TACR1: variants seen among roughly 807,000 people sequenced by gnomAD.
The protein encoded by TACR1 is substance-P receptor.
In TACR1, 25 loss-of-function variants were observed where a neutral mutation model predicts 35.8. The ratio of observed to expected loss-of-function variants is 0.70; its 90% CI spans 0.51 to 0.98. TACR1 has a LOEUF of 0.98. Among genes scored for constraint, TACR1 ranks in the 50% least tolerant of loss-of-function variants. The pLI is 0.00. For missense variants in TACR1, 478 were observed against 522.9 expected (o/e 0.91, Z 0.84); for synonymous variants, 195 against 206.7 (o/e 0.94, Z 0.48).
chr2:75,175,433 A>G (rs1224531901), intron 1 of TACR1, among the ~76,000 whole-genome samples: 2 of 152,238 alleles, frequency 1.3e-5, no homozygotes, highest in Admixed American at 1.3e-4. Flanking sequence ...TTCTTCACAC[A>G]GTTCTGGGGT....
intron 2 of TACR1, among the ~76,000 whole-genome samples, chr2:75,083,912 C>A (rs1227477571): frequency 6.6e-6 from 1 of 152,070 alleles, no homozygotes; most frequent in Non-Finnish European, 1.5e-5. Context: ...ATTGAATACC[C>A]TTTATTTCTT....
chr2:75,096,894 T>C (rs1673434932), intron 2 of TACR1, among the ~76,000 whole-genome samples: 2 of 152,318 alleles, frequency 1.3e-5, no homozygotes, highest in African/African-American at 4.8e-5. Context: ...AAACCCTCCA[T>C]GTGGGCTCAC....
chr2:75,185,381 C>T (rs1464763632), intron 1 of TACR1, among the ~76,000 whole-genome samples: 1 of 151,740 alleles, frequency 6.6e-6, no homozygotes, highest in Non-Finnish European at 1.5e-5. Flanking sequence ...ATAGATATAA[C>T]AACATAAAAT....
intron 1 of TACR1, among the ~76,000 whole-genome samples, chr2:75,135,927 T>A (rs1485274580): frequency 6.6e-6 from 1 of 152,188 alleles, no homozygotes; most frequent in African/African-American, 2.4e-5. Flanking sequence ...CATTTCGCAT[T>A]CTGTTTCACC....
Position 75,137,030 on chromosome 2 carries a change from T to G in TACR1, c.390-16262A>C, listed in dbSNP as rs564225173. 2.0e-5 allele frequency among the ~76,000 whole-genome samples: 3 copies of G among 152,260 alleles called. No homozygotes were observed. The East Asian group carries it at 5.8e-4, about 30-fold the overall frequency. On this transcript the variant is annotated intron_variant, in intron 1 of 4. Transcript: ENST00000305249. ...CTTGGCCTGGGCTTCAAGGAGAAATTGTTAGGTCAATGGTATCTCACCAGG... is the reference window on the plus strand; with the variant it reads ...CTTGGCCTGGGCTTCAAGGAGAAATGGTTAGGTCAATGGTATCTCACCAGG...
At chr2:75,067,320 G>C (rs987187594) in intron 2 of TACR1, among the ~76,000 whole-genome samples, 1 of 152,168 alleles carries the variant, frequency 6.6e-6, no homozygotes, top group African/African-American at 2.4e-5. Context: ...CACCTGTTCA[G>C]GTTTGGGGCC....
In TACR1 at chr2:75,049,565, G is replaced by A; in HGVS notation, c.1091C>T (p.Ala364Val). ...LETTISTVVG[A>V]HEEEPEDGPK... ...GCCGTCCTCTGGCTCCTCCTCGTGG[G>A]CCCCCACCACTGTGGAGATGGTGGT... Residue 364 changes from alanine to valine, a missense_variant, in exon 5 of 5, where the codon GCC becomes GTC. Ala to Val is a moderately conservative substitution (Grantham distance 64). Coordinates refer to ENST00000305249, the MANE Select transcript of TACR1 (RefSeq NM_001058.4). 6.2e-7 allele frequency: 1 copy of A among 1,614,136 alleles called. No individual in the cohort carries two copies. Among genetic ancestry groups the A allele is most frequent in the Non-Finnish European group, 8.5e-7 (1 of 1,180,000 alleles).
intron 1 of TACR1, among the ~76,000 whole-genome samples, chr2:75,155,665 T>C (rs1674831215): frequency 6.6e-6 from 1 of 152,236 alleles, no homozygotes. Context: ...TCCATTATTA[T>C]ATTTCTTGTG....
At chr2:75,154,432 A>T in intron 1 of TACR1, 1 of 99,842 alleles carries the variant, frequency 1.0e-5, no homozygotes. Context: ...ACACACACAC[A>T]CACACACACA....
chr2:75,119,084 G>C (rs1673917230), intron 2 of TACR1: 1 of 152,240 alleles, frequency 6.6e-6, no homozygotes. Context: ...CATGCTCATG[G>C]AACAGATGCA....
chr2:75,055,790 C>T (rs529622956), intron 2 of TACR1, among the ~76,000 whole-genome samples: 3 of 152,158 alleles, frequency 2.0e-5, no homozygotes, highest in South Asian at 2.1e-4. Context: ...TGGAGGGCTT[C>T]GACAACCCCA....
intron 3 of TACR1, among the ~76,000 whole-genome samples, chr2:75,052,757 C>CTGTGTG (rs368836930): frequency 5.9e-5 from 9 of 151,500 alleles, no homozygotes; most frequent in Admixed American, 5.9e-4. Context: ...GTATGCATAT[C>CTGTGTG]TGTGTGTGTG....
In TACR1 at chr2:75,060,502, G is replaced by A. The variant is rs375085563; in HGVS notation, c.585-6747C>T. ...GTGCAAAGGCATGGGGGAGGAGCCTGGCATGAGGCAGGTACTAAGATGCCA... is the reference window on the plus strand; with the variant it reads ...GTGCAAAGGCATGGGGGAGGAGCCTAGCATGAGGCAGGTACTAAGATGCCA... On this transcript the variant is annotated intron_variant, in intron 2 of 4. Transcript: ENST00000305249. Among the ~76,000 whole-genome samples the A allele has an allele frequency of 7.2e-5, 11 of 152,220 alleles. No individual in the cohort carries two copies. In the East Asian group the frequency reaches 1.5e-3, roughly 21 times the overall value.
rs138506325 is a variant in TACR1 at position 75,059,131 on chromosome 2, A to T, written c.585-5376T>A. Among the ~76,000 whole-genome samples the T allele has an allele frequency of 1.0e-2, 1,520 of 152,326 alleles. 29 individuals are homozygous for T. The highest frequency in any genetic ancestry group is 0.035 in the African/African-American group (1,436 of 41,560). ...GGTAGAAAATTTCAGCTGTTACAGA[A>T]AGGTCGAAGAGCATTGATAGAATCC... On this transcript the variant is annotated intron_variant, in intron 2 of 4. Coordinates refer to ENST00000305249, the MANE Select transcript of TACR1 (RefSeq NM_001058.4).
intron 2 of TACR1, among the ~76,000 whole-genome samples, chr2:75,088,758 G>T (rs1572922568): frequency 6.6e-6 from 1 of 152,072 alleles, no homozygotes; most frequent in East Asian, 1.9e-4. Flanking sequence ...AAGGAAGGGG[G>T]ATGGTATCCC....
rs140815149 is a variant in TACR1 at position 75,092,161 on chromosome 2, G to A, written c.584+28413C>T. ...GATGATCTTGTAGGGTGACGTAAGA[G>A]AGGGTTTATATCACATACACTGTAG... On this transcript the variant is annotated intron_variant, in intron 2 of 4. Transcript: ENST00000305249. 3.9e-5 allele frequency among the ~76,000 whole-genome samples: 6 copies of A among 152,282 alleles called. No homozygotes were observed. The East Asian group carries it at 9.7e-4, about 25-fold the overall frequency.
chr2:75,193,763 C>A (rs1352139313), intron 1 of TACR1, among the ~76,000 whole-genome samples: 1 of 152,156 alleles, frequency 6.6e-6, no homozygotes, highest in East Asian at 1.9e-4. Flanking sequence ...GGCAGGATGT[C>A]CCTCCTCTTG....
At position 75,047,263 on chromosome 2, in the gene TACR1, G is replaced by A. The variant is rs1006821449; in HGVS notation, c.*2169C>T. ...CTCCAAAGGTCCCAGTCTTTGGCTT[G>A]ACTGCCCATGTTGAGTGTGGGTTTT... On this transcript the variant is annotated 3_prime_UTR_variant, in exon 5 of 5. Coordinates refer to ENST00000305249, the MANE Select transcript of TACR1 (RefSeq NM_001058.4). The A allele has an allele frequency of 1.3e-5, 2 of 152,262 alleles. No homozygotes were observed. Among genetic ancestry groups the A allele is most frequent in the African/African-American group, 4.8e-5 (2 of 41,442 alleles). The allele number at this position is 152,262 out of a possible 1,614,324, so 9.4% of individuals were successfully genotyped here.
chr2:75,107,673 TAAAG>T (rs1384824731), intron 2 of TACR1, among the ~76,000 whole-genome samples: 2 of 151,994 alleles, frequency 1.3e-5, no homozygotes, highest in Non-Finnish European at 2.9e-5. Flanking sequence ...GTTTAAAAAG[TAAAG>T]AATACGAGAG....
Sources: allele counts gnomAD v4.1 joint callset (sites outside exome capture counted in the v4.1 genomes callset), GRCh38; gene constraint gnomAD v4.1.1; transcripts MANE v1.5; gene names NCBI Gene and HGNC (gene_info 2026-07-23, HGNC 2026-07-21).